Variants in SFMBT1 observed in about 807,000 individuals in gnomAD.
SFMBT1 encodes the protein scm-like with four MBT domains protein 1.
A neutral mutation model predicts 108.7 loss-of-function variants in SFMBT1; 32 were observed. That is an observed-to-expected ratio of 0.29 (90% CI 0.22 to 0.40). The LOEUF is 0.40. Among genes scored for constraint, SFMBT1 ranks in the 10% least tolerant of loss-of-function variants. The probability of loss-of-function intolerance (pLI) is 1.00; values close to 1 mark genes in which losing one functional copy is unlikely to be tolerated. For missense variants in SFMBT1, 816 were observed against 1,059.6 expected (o/e 0.77, Z 3.19); for synonymous variants, 348 against 369.5 (o/e 0.94, Z 0.67).
intron 1 of SFMBT1, among the ~76,000 whole-genome samples, chr3:53,017,850 A>G (rs896689049): frequency 1.3e-5 from 2 of 152,224 alleles, no homozygotes; most frequent in African/African-American, 4.8e-5. Context: ...GATGCTTTTC[A>G]GTGTGTGGCA....
In SFMBT1 at chr3:52,937,968, C is replaced by G. The variant is rs145389157; in HGVS notation, c.365-3067G>C. Among the ~76,000 whole-genome samples, 928 of 152,274 alleles carry G rather than the reference C, an allele frequency of 6.1e-3. 82 individuals are homozygous for G. In the South Asian group the frequency reaches 0.17, roughly 28 times the overall value. The stretch of plus-strand genomic sequence containing the variant: ...CCTTGAGCTCTCCTCCTCCTCAAGT[C>G]TGTACACATTTTTCTTTTTTTCATA... On this transcript the variant is annotated intron_variant, in intron 4 of 20. Transcript: ENST00000394752.
intron 3 of SFMBT1, among the ~76,000 whole-genome samples, chr3:52,949,959 C>T (rs1703516002): frequency 6.6e-6 from 1 of 152,058 alleles, no homozygotes; most frequent in Non-Finnish European, 1.5e-5. Flanking sequence ...CTTTCTCCAT[C>T]CATTTACTTT....
intron 1 of SFMBT1, among the ~76,000 whole-genome samples, chr3:53,004,537 G>A (rs1238026394): frequency 1.3e-5 from 2 of 149,978 alleles, no homozygotes; most frequent in Non-Finnish European, 3.0e-5. Context: ...CTCCCAGAGT[G>A]CTGGGATTAC....
At chr3:53,043,060 C>T (rs1482566976) in intron 1 of SFMBT1, 3 of 152,256 alleles carry the variant, frequency 2.0e-5, no homozygotes, top group African/African-American at 7.2e-5. Flanking sequence ...ACATTCCCAA[C>T]TTTTATCACA....
intron 1 of SFMBT1, among the ~76,000 whole-genome samples, chr3:53,007,512 T>A (rs1240835961): frequency 6.6e-6 from 1 of 152,192 alleles, no homozygotes; most frequent in African/African-American, 2.4e-5. Context: ...AGAACACTTG[T>A]GCCAGAAAAC....
At chr3:52,958,834 C>T (rs952536076) in intron 2 of SFMBT1, among the ~76,000 whole-genome samples, 2 of 152,062 alleles carry the variant, frequency 1.3e-5, no homozygotes, top group African/African-American at 4.8e-5. Flanking sequence ...CATGTATGTT[C>T]ACGGCAGTAC....
At position 52,978,364 on chromosome 3, in the gene SFMBT1, G is replaced by C. The variant is rs547887260; in HGVS notation, c.-130-9106C>G. Among the ~76,000 whole-genome samples the C allele has an allele frequency of 9.9e-5, 15 of 152,224 alleles. No homozygotes were observed. In the South Asian group the frequency reaches 3.1e-3, roughly 32 times the overall value. On this transcript the variant is annotated intron_variant, in intron 1 of 20. Coordinates refer to ENST00000394752, the MANE Select transcript of SFMBT1 (RefSeq NM_016329.4). The stretch of plus-strand genomic sequence containing the variant: ...CCAAGTAAGCAAGCAAGAACAAGTA[G>C]AAGGAGAAGAGGCAGGAGAGAGGTC...
At chr3:53,011,438 A>G (rs539701553) in intron 1 of SFMBT1, among the ~76,000 whole-genome samples, 4 of 152,314 alleles carry the variant, frequency 2.6e-5, no homozygotes, top group South Asian at 4.1e-4. Context: ...TAGTACACAA[A>G]CAGCACCAAA....
chr3:52,960,035 A>C (rs1332093919), intron 2 of SFMBT1, among the ~76,000 whole-genome samples: 1 of 152,012 alleles, frequency 6.6e-6, no homozygotes, highest in Non-Finnish European at 1.5e-5. Context: ...ACAAACTGGA[A>C]GCAGTAAGTA....
chr3:52,950,948 A>G (rs1319278247), intron 3 of SFMBT1, among the ~76,000 whole-genome samples: 1 of 151,404 alleles, frequency 6.6e-6, no homozygotes, highest in Non-Finnish European at 1.5e-5. Context: ...ACCCATCTCT[A>G]CCAAAATATA....
chr3:52,975,975 C>T (rs1414558395), intron 1 of SFMBT1, among the ~76,000 whole-genome samples: 3 of 152,070 alleles, frequency 2.0e-5, no homozygotes, highest in African/African-American at 7.2e-5. Flanking sequence ...CATGCCGCCG[C>T]ACTCCAACCT....
Position 53,046,007 on chromosome 3 carries a change from C to G in SFMBT1, c.-322G>C, listed in dbSNP as rs1700231125. 1 of 151,546 alleles carries G rather than the reference C, an allele frequency of 6.6e-6. No homozygotes were observed. The highest frequency in any genetic ancestry group is 1.5e-5 in the Non-Finnish European group (1 of 67,982). 9.4% of individuals were successfully genotyped at this position (151,546 alleles called of 1,614,324 possible). ...GAGCGGGGCGGCCGGCAGCTCTCCC[C>G]GCCCCCCTCCACCCGCGCTCCGGCG... On this transcript the variant is annotated 5_prime_UTR_variant, in exon 1 of 21. Coordinates refer to ENST00000394752, the MANE Select transcript of SFMBT1 (RefSeq NM_016329.4).
chr3:52,921,852 A>T, intron 10 of SFMBT1, 21 bp from the exon 11 acceptor site: 1 of 1,612,686 alleles, frequency 6.2e-7, no homozygotes, highest in East Asian at 2.2e-5. Flanking sequence ...AATGAATCAA[A>T]TCAATTTACT....
intron 8 of SFMBT1, chr3:52,928,564 GTACATA>G (rs1222592491): frequency 3.6e-6 from 1 of 279,286 alleles, no homozygotes; most frequent in African/African-American, 2.8e-5. Context: ...AATGAGGTAA[GTACATA>G]TACATATATA....
At chr3:52,972,880 T>C (rs1463337365) in intron 1 of SFMBT1, among the ~76,000 whole-genome samples, 5 of 143,062 alleles carry the variant, frequency 3.5e-5, no homozygotes, top group Non-Finnish European at 7.5e-5. Context: ...ACACACTAGC[T>C]GAGTGTGGTC....
In SFMBT1 at chr3:53,001,387, T is replaced by C. The variant is rs571948104; in HGVS notation, c.-130-32129A>G. Among the ~76,000 whole-genome samples, 68 of 150,114 alleles carry C rather than the reference T, an allele frequency of 4.5e-4. 2 individuals carry two copies. The South Asian group carries it at 0.014, about 31-fold the overall frequency. ...TCAAGGCTGCAGTGAGCCATGATCG[T>C]GTGTCACTTTAGCTTGCATGACAGA... is the stretch of plus-strand genomic sequence containing the variant. On this transcript the variant is annotated intron_variant, in intron 1 of 20. Transcript: ENST00000394752.
intron 10 of SFMBT1, among the ~76,000 whole-genome samples, chr3:52,925,606 C>T (rs925629268): frequency 2.1e-4 from 32 of 152,144 alleles, no homozygotes; most frequent in Admixed American, 9.8e-4. Context: ...GACTGTGAAA[C>T]GGGGTAGGGC....
intron 5 of SFMBT1, among the ~76,000 whole-genome samples, chr3:52,933,701 AC>A (rs1702924049): frequency 6.6e-6 from 1 of 152,168 alleles, no homozygotes; most frequent in African/African-American, 2.4e-5. Flanking sequence ...AAAAATAAAA[AC>A]CAGTTTGAAA....
intron 4 of SFMBT1, among the ~76,000 whole-genome samples, chr3:52,937,797 G>A (rs1463459406): frequency 6.6e-6 from 1 of 152,024 alleles, no homozygotes; most frequent in Non-Finnish European, 1.5e-5. Context: ...TGGCCAGGAT[G>A]GTCTTGATCT....
Sources: allele counts gnomAD v4.1 joint callset (sites outside exome capture counted in the v4.1 genomes callset), GRCh38; gene constraint gnomAD v4.1.1; transcripts MANE v1.5; gene names NCBI Gene and HGNC (gene_info 2026-07-23, HGNC 2026-07-21).